TERF2: variants seen among roughly 807,000 people sequenced by gnomAD.
The protein encoded by TERF2 is telomeric repeat-binding factor 2.
TERF2 carries 16 observed loss-of-function variants against 56.1 expected under a neutral mutation model. The observed-to-expected ratio is 0.29, with a 90% confidence interval of 0.19 to 0.43. TERF2 has a LOEUF of 0.43. Ranked by LOEUF, TERF2 falls within the 20% of genes least tolerant of loss-of-function variation. The pLI is 1.00. For missense variants in TERF2, 547 were observed against 712.9 expected (o/e 0.77, Z 2.65); for synonymous variants, 296 against 282.1 (o/e 1.05, Z -0.50).
chr16:69,372,118 T>C (rs1470201091), intron 4 of TERF2, 151 bp downstream of exon 4: 2 of 531,982 alleles, frequency 3.8e-6, no homozygotes. Context: ...CAGTGAGTTA[T>C]CTTGGATATA....
At chr16:69,384,299 C>T (rs144331765) in intron 3 of TERF2, among the ~76,000 whole-genome samples, 137 of 152,256 alleles carry the variant, frequency 9.0e-4, no homozygotes, top group African/African-American at 2.7e-3. Context: ...TTGTAGAGTG[C>T]TCCCGAATGG....
chr16:69,383,694 C>A (rs1028083002), intron 3 of TERF2, among the ~76,000 whole-genome samples: 23 of 152,300 alleles, frequency 1.5e-4, no homozygotes, highest in African/African-American at 5.5e-4. Flanking sequence ...ATAGGGTACC[C>A]AAGTACAATG....
Position 69,356,049 on chromosome 16 carries a change from G to T in TERF2, c.*849C>A. The T allele has an allele frequency of 2.7e-6, 1 of 371,174 alleles. No individual in the cohort carries two copies. Among genetic ancestry groups the T allele is most frequent in the South Asian group, 2.0e-5 (1 of 49,016 alleles). 23.0% of individuals were successfully genotyped at this position (371,174 alleles called of 1,614,324 possible). A position where few individuals can be genotyped will look rare whatever the true frequency, so the allele number is the denominator to read the frequency against. ...GCAAATGCCAAGGCAGACAGGTCTA[G>T]GGTTGATGTCACGACTGGCTAAAGA... On this transcript the variant is annotated 3_prime_UTR_variant, in exon 10 of 10. Coordinates refer to ENST00000254942, the MANE Select transcript of TERF2 (RefSeq NM_005652.5).
In TERF2 at chr16:69,366,998, C is replaced by T. The variant is rs371717517; in HGVS notation, c.1149G>A (p.Pro383=). 81 of 1,614,100 alleles carry T rather than the reference C, an allele frequency of 5.0e-5. No individual in the cohort carries two copies. The highest frequency in any genetic ancestry group is 3.8e-4 in the East Asian group (17 of 44,896). ...PRKDENESSA[P]ADGEGGSELQ... The stretch of plus-strand genomic sequence containing the variant: ...GTTCCGAGCCACCCTCACCGTCAGC[C>T]GGGGCTGAACTTTCGTTTTCATCTT... Residue 383 remains proline, a synonymous_variant, in exon 7 of 10, where the codon CCG becomes CCA. Transcript: ENST00000254942.
chr16:69,379,242 C>G (rs2013907843), intron 3 of TERF2, among the ~76,000 whole-genome samples: 1 of 152,180 alleles, frequency 6.6e-6, no homozygotes. Flanking sequence ...AGAAGCAAGG[C>G]TGTTCTGGGA....
chr16:69,385,716 C>G lies in TERF2; in HGVS notation c.256G>C (p.Gly86Arg), dbSNP rs754332485. The part of the protein sequence containing the change: ...GLGGPAERGA[G>R]EARLEEAVNR... Reference sequence around the variant, plus strand: ...ACTGCCTCTTCCAGCCGTGCCTCCCCCGCGCCGCGCTCCGCCGGGCCCCCC... The same window carrying G: ...ACTGCCTCTTCCAGCCGTGCCTCCCGCGCGCCGCGCTCCGCCGGGCCCCCC... The change falls in exon 1 of 10, where the codon GGG (glycine) becomes CGG (arginine). Residue 86 changes from glycine to arginine, a missense_variant. Gly to Arg is a moderately radical substitution (Grantham distance 125, BLOSUM62 -2). Transcript: ENST00000254942. The G allele has an allele frequency of 7.6e-6, 12 of 1,585,370 alleles. No homozygotes were observed. The highest frequency in any genetic ancestry group is 4.3e-6 in the Non-Finnish European group (5 of 1,168,900).
intron 3 of TERF2, among the ~76,000 whole-genome samples, chr16:69,379,819 T>C (rs888609203): frequency 6.6e-6 from 1 of 152,244 alleles, no homozygotes; most frequent in Non-Finnish European, 1.5e-5. Flanking sequence ...TTTTTCATTT[T>C]GAAAATCTCT....
chr16:69,383,704 G>A (rs1405584643), intron 3 of TERF2, among the ~76,000 whole-genome samples: 1 of 152,206 alleles, frequency 6.6e-6, no homozygotes, highest in Non-Finnish European at 1.5e-5. Flanking sequence ...CAAGTACAAT[G>A]TACACAGCCA....
intron 3 of TERF2, among the ~76,000 whole-genome samples, chr16:69,375,615 GT>G (rs886695600): frequency 2.0e-5 from 3 of 151,430 alleles, no homozygotes; most frequent in African/African-American, 7.3e-5. Flanking sequence ...TATAGTTAGG[GT>G]TTTTTTTTAA....
chr16:69,362,096 A>C (rs984869316), intron 7 of TERF2, among the ~76,000 whole-genome samples: 2 of 151,610 alleles, frequency 1.3e-5, no homozygotes, highest in African/African-American at 4.9e-5. Flanking sequence ...GGGGGAGTCC[A>C]CACCATCCAG....
At chr16:69,370,675 G>A (rs1597250617) in intron 4 of TERF2, 46 bp from the exon 5 acceptor site, 5 of 1,554,558 alleles carry the variant, frequency 3.2e-6, no homozygotes, top group Non-Finnish European at 4.3e-6. Flanking sequence ...TAGAACTCCA[G>A]TAAAAATTCA....
chr16:69,370,122 C>T, intron 5 of TERF2: 1 of 249,660 alleles, frequency 4.0e-6, no homozygotes, highest in Non-Finnish European at 7.7e-6. Context: ...TCTCCATCTC[C>T]TGGGTTCAAG....
intron 8 of TERF2, among the ~76,000 whole-genome samples, chr16:69,360,699 C>T (rs1388030760): frequency 8.5e-6 from 1 of 118,014 alleles, no homozygotes; most frequent in African/African-American, 3.5e-5. Flanking sequence ...GAGTGAGACC[C>T]TGTCTCAAAA....
At chr16:69,375,578 G>C (rs2013747223) in intron 3 of TERF2, among the ~76,000 whole-genome samples, 1 of 152,216 alleles carries the variant, frequency 6.6e-6, no homozygotes, top group East Asian at 1.9e-4. Context: ...ACAACATGAT[G>C]TTTTGAAATA....
chr16:69,370,157 AGTAGCTAGGATTACAG>A (rs2013511159), intron 5 of TERF2: 2 of 313,438 alleles, frequency 6.4e-6, no homozygotes, highest in Admixed American at 4.6e-5. Flanking sequence ...CAGCCTCCAA[AGTAGCTAGGATTACAG>A]GTGCCTGCCA....
At chr16:69,358,856 T>A (rs1249864175) in intron 8 of TERF2, among the ~76,000 whole-genome samples, 2 of 152,196 alleles carry the variant, frequency 1.3e-5, no homozygotes, top group Non-Finnish European at 2.9e-5. Context: ...ATCCCCTTAA[T>A]CTTACCGATT....
intron 3 of TERF2, among the ~76,000 whole-genome samples, chr16:69,372,931 G>A (rs2013631550): frequency 6.6e-6 from 1 of 151,930 alleles, no homozygotes; most frequent in South Asian, 2.1e-4. Context: ...ATTTCAATAG[G>A]GCCTCCTGAG....
intron 2 of TERF2, 58 bp from the exon 3 acceptor site, chr16:69,384,768 T>A (rs2014128050): frequency 1.4e-6 from 2 of 1,466,060 alleles, no homozygotes; most frequent in South Asian, 2.9e-5. Flanking sequence ...AAAAGTTATG[T>A]CCAAAAATTA....
At chr16:69,369,159 G>T (rs2013472328) in intron 5 of TERF2, among the ~76,000 whole-genome samples, 1 of 77,280 alleles carries the variant, frequency 1.3e-5, no homozygotes, top group East Asian at 2.3e-4. Flanking sequence ...ACCTGGAATG[G>T]AAAGGAAAGG....
Sources: allele counts gnomAD v4.1 joint callset (sites outside exome capture counted in the v4.1 genomes callset), GRCh38; gene constraint gnomAD v4.1.1; transcripts MANE v1.5; gene names NCBI Gene and HGNC (gene_info 2026-07-23, HGNC 2026-07-21).